FAM47E: variants seen among roughly 807,000 people sequenced by gnomAD.
FAM47E encodes family with sequence similarity 47 member E.
A neutral mutation model predicts 41.6 loss-of-function variants in FAM47E; 32 were observed. The ratio of observed to expected loss-of-function variants is 0.77; its 90% CI spans 0.58 to 1.03. The LOEUF is 1.03. Ranked by LOEUF, FAM47E falls within the 50% of genes least tolerant of loss-of-function variation. The pLI is 0.00. For missense variants in FAM47E, 424 were observed against 485.4 expected (o/e 0.87, Z 1.19); for synonymous variants, 184 against 188.7 (o/e 0.98, Z 0.20).
rs537182146 is a variant in FAM47E at position 76,260,572 on chromosome 4, A to T, written c.421-3132A>T. On this transcript the variant is annotated intron_variant, in intron 2 of 7. Coordinates refer to ENST00000424749, the MANE Select transcript of FAM47E (RefSeq NM_001136570.3). ...ATATACAAAAATTAACTCAAGGTGG[A>T]CTAAAGACTTAAATGTAAGACCTGA... Among the ~76,000 whole-genome samples the T allele has an allele frequency of 5.6e-4, 86 of 152,338 alleles. 1 individual carries two copies. Among genetic ancestry groups the T allele is most frequent in the African/African-American group, 2.0e-3 (82 of 41,586 alleles).
chr4:76,220,129 T>A (rs1733282971), intron 2 of FAM47E, among the ~76,000 whole-genome samples: 1 of 152,180 alleles, frequency 6.6e-6, no homozygotes, highest in African/African-American at 2.4e-5. Flanking sequence ...AACAGAATTA[T>A]CATATGACCT....
Position 76,251,848 on chromosome 4 carries a change from C to T in FAM47E, c.74+28C>T, listed in dbSNP as rs577078256. On this transcript the variant is annotated intron_variant, in intron 1 of 7. Transcript: ENST00000424749. Reference sequence around the variant, plus strand: ...AAACACTCAGCGCCCGGGCCGAGGGCGCATCCCACGCGGGCCGCGCGGGGG... The same window carrying T: ...AAACACTCAGCGCCCGGGCCGAGGGTGCATCCCACGCGGGCCGCGCGGGGG... The T allele has an allele frequency of 4.3e-4, 592 of 1,388,200 alleles. 1 individual carries two copies. Among genetic ancestry groups the T allele is most frequent in the Admixed American group, 1.1e-3 (32 of 29,374 alleles). The allele number at this position is 1,388,200 out of a possible 1,614,324, so 86.0% of individuals were successfully genotyped here. A position where few individuals can be genotyped will look rare whatever the true frequency, so the allele number is the denominator to read the frequency against.
intron 5 of FAM47E, among the ~76,000 whole-genome samples, chr4:76,275,347 C>T (rs1441914): frequency 0.34 from 51,516 of 152,044 alleles, 9,797 homozygotes; most frequent in Non-Finnish European, 0.41. Context: ...TCTTCTAGGT[C>T]GCTTGGTTGA....
chr4:76,239,383 C>T (rs1733660359), intron 2 of FAM47E, among the ~76,000 whole-genome samples: 1 of 152,118 alleles, frequency 6.6e-6, no homozygotes, highest in African/African-American at 2.4e-5. Context: ...ACATCCTTGC[C>T]AACACTTATA....
intron 2 of FAM47E, among the ~76,000 whole-genome samples, chr4:76,257,113 T>C (rs978596626): frequency 6.6e-6 from 1 of 152,158 alleles, no homozygotes; most frequent in Non-Finnish European, 1.5e-5. Context: ...CTTCCATGCT[T>C]CCAGGCATTG....
chr4:76,259,467 CA>C (rs1734317885), intron 2 of FAM47E, among the ~76,000 whole-genome samples: 1 of 152,184 alleles, frequency 6.6e-6, no homozygotes, highest in Admixed American at 6.5e-5. Flanking sequence ...CAGTGATATA[CA>C]ATTCATGCCC....
At chr4:76,236,156 C>G (rs746096697) in intron 2 of FAM47E, 20 of 152,072 alleles carry the variant, frequency 1.3e-4, no homozygotes, top group African/African-American at 1.7e-4. Flanking sequence ...AGAAACCTGT[C>G]AAACTGGTTA....
chr4:76,256,664 A>C lies in FAM47E; in HGVS notation c.420+141A>C, dbSNP rs2289514. ...TGTCTCCCCCAGGATGCGAGTTCTT[A>C]TGGGCCTCAGAGCAGCCTTCTGTCC... On this transcript the variant is annotated intron_variant, in intron 2 of 7. Coordinates refer to ENST00000424749, the MANE Select transcript of FAM47E (RefSeq NM_001136570.3). 9.1e-4 allele frequency: 979 copies of C among 1,076,034 alleles called. 18 individuals are homozygous for C. The African/African-American group carries it at 0.014, about 15-fold the overall frequency. The allele number at this position is 1,076,034 out of a possible 1,614,324, so 66.7% of individuals were successfully genotyped here. A position where few individuals can be genotyped will look rare whatever the true frequency, so the allele number is the denominator to read the frequency against.
At chr4:76,237,896 G>A (rs1342936505) in intron 2 of FAM47E, among the ~76,000 whole-genome samples, 2 of 152,162 alleles carry the variant, frequency 1.3e-5, no homozygotes, top group Admixed American at 1.3e-4. Context: ...ATCCACCCCC[G>A]TGATCCAATC....
intron 2 of FAM47E, among the ~76,000 whole-genome samples, chr4:76,228,682 T>A: frequency 6.6e-6 from 1 of 152,138 alleles, no homozygotes. Context: ...AGTACCCCAA[T>A]CCTTTCTGGC....
At chr4:76,217,867 A>G (rs1156320677) in intron 2 of FAM47E, among the ~76,000 whole-genome samples, 4 of 152,222 alleles carry the variant, frequency 2.6e-5, no homozygotes, top group Non-Finnish European at 4.4e-5. Context: ...GGGACTTAGA[A>G]AAAGAGCTTT....
chr4:76,233,204 G>A (rs1032567774), intron 2 of FAM47E, among the ~76,000 whole-genome samples: 1 of 152,156 alleles, frequency 6.6e-6, no homozygotes, highest in Non-Finnish European at 1.5e-5. Context: ...AACCTGGTAA[G>A]TTGTTCTAAT....
chr4:76,227,356 C>A (rs1583942), intron 2 of FAM47E, among the ~76,000 whole-genome samples: 1,962 of 152,054 alleles, frequency 0.013, 39 homozygotes, highest in African/African-American at 0.043. Context: ...TTTGAGGGTT[C>A]CTTTTGGAGT....
chr4:76,275,847 T>C (rs910301025), intron 5 of FAM47E, among the ~76,000 whole-genome samples: 1 of 152,198 alleles, frequency 6.6e-6, no homozygotes, highest in African/African-American at 2.4e-5. Context: ...CTTCCCTTTT[T>C]CATTTCAGTG....
chr4:76,222,955 G>A (rs1733336067), intron 2 of FAM47E, among the ~76,000 whole-genome samples: 1 of 152,142 alleles, frequency 6.6e-6, no homozygotes, highest in Non-Finnish European at 1.5e-5. Context: ...CTCGTGCATG[G>A]GAATCGACCA....
At chr4:76,233,643 C>T (rs1733531376) in intron 2 of FAM47E, among the ~76,000 whole-genome samples, 1 of 151,852 alleles carries the variant, frequency 6.6e-6, no homozygotes. Flanking sequence ...CATATAACAG[C>T]CAGGCAGGAG....
chr4:76,263,898 G>A, intron 3 of FAM47E, 55 bp downstream of exon 3: 1 of 1,525,774 alleles, frequency 6.6e-7, no homozygotes, highest in East Asian at 2.5e-5. Context: ...AAACATTCTA[G>A]GAATTACCTT....
At chr4:76,266,244 G>A (rs189319147) in intron 3 of FAM47E, among the ~76,000 whole-genome samples, 138 of 152,218 alleles carry the variant, frequency 9.1e-4, no homozygotes, top group African/African-American at 3.2e-3. Context: ...TTTTCAGCAC[G>A]TTTACTCACA....
chr4:76,249,957 G>C (rs1205003642), upstream of FAM47E, among the ~76,000 whole-genome samples: 1 of 151,762 alleles, frequency 6.6e-6, no homozygotes, highest in East Asian at 1.9e-4. Context: ...TCCACTCATC[G>C]ATTGATGGGC....
Sources: gnomAD v4.1 joint callset for allele counts (sites outside exome capture counted in the v4.1 genomes callset) on GRCh38, gnomAD v4.1.1 for gene constraint, MANE v1.5 for transcripts, NCBI Gene and HGNC (gene_info 2026-07-23, HGNC 2026-07-21) for gene names.